GRID2: variants seen among roughly 807,000 people sequenced by gnomAD.
The protein encoded by GRID2 is glutamate ionotropic receptor delta type subunit 2, also known as glutamate receptor ionotropic, delta-2.
Under a neutral mutation model 114.8 loss-of-function variants are expected in GRID2, and 33 were observed. The ratio of observed to expected loss-of-function variants is 0.29; its 90% CI spans 0.22 to 0.38. The LOEUF is 0.38. Ranked by LOEUF, GRID2 falls within the 10% of genes least tolerant of loss-of-function variation. GRID2 has a pLI of 1.00. For missense variants in GRID2, 1,184 were observed against 1,257.7 expected, an observed-to-expected ratio of 0.94 and a Z score of 0.89; for synonymous variants, 505 against 449.9, an observed-to-expected ratio of 1.12 and a Z score of -1.55.
intron 2 of GRID2, among the ~76,000 whole-genome samples, chr4:92,762,743 G>C (rs1738079695): frequency 6.6e-6 from 1 of 152,200 alleles, no homozygotes; most frequent in Admixed American, 6.5e-5. Context: ...CAAAGGAATA[G>C]ACAGGAAGAG....
chr4:93,584,222 C>T (rs902909028), intron 13 of GRID2, among the ~76,000 whole-genome samples: 1 of 152,102 alleles, frequency 6.6e-6, no homozygotes, highest in African/African-American at 2.4e-5. Flanking sequence ...TAAAGGCTCT[C>T]TTATAACATA....
At chr4:93,409,343 G>A (rs901011) in intron 9 of GRID2, among the ~76,000 whole-genome samples, 152,095 of 152,234 alleles carry the variant, frequency 1, 75,978 homozygotes, top group Middle Eastern at 1. Flanking sequence ...TCCTTCCTGG[G>A]ATTAGCAGAA....
chr4:93,629,638 T>C (rs1743066450), intron 14 of GRID2, among the ~76,000 whole-genome samples: 1 of 152,338 alleles, frequency 6.6e-6, no homozygotes, highest in South Asian at 2.1e-4. Flanking sequence ...TGATATTACA[T>C]ATTACTATTG....
chr4:93,724,609 A>G (rs1476594754), intron 14 of GRID2, among the ~76,000 whole-genome samples: 1 of 152,158 alleles, frequency 6.6e-6, no homozygotes, highest in Non-Finnish European at 1.5e-5. Flanking sequence ...CCTTGTAATT[A>G]CGAAAAGAGA....
chr4:92,484,559 T>A (rs1560662327), intron 1 of GRID2, among the ~76,000 whole-genome samples: 1 of 152,104 alleles, frequency 6.6e-6, no homozygotes, highest in Non-Finnish European at 1.5e-5. Context: ...GAGAGACACA[T>A]TCAATATTTT....
At chr4:93,382,477 T>A (rs183061481) in intron 8 of GRID2, among the ~76,000 whole-genome samples, 2 of 152,188 alleles carry the variant, frequency 1.3e-5, no homozygotes, top group African/African-American at 4.8e-5. Flanking sequence ...CTCTTTACAT[T>A]TGCTGAGTCT....
At chr4:92,893,288 C>G (rs1560675738) in intron 2 of GRID2, among the ~76,000 whole-genome samples, 1 of 152,112 alleles carries the variant, frequency 6.6e-6, no homozygotes. Context: ...GAATATATGC[C>G]TGAATGGATG....
At chr4:93,035,489 A>G (rs62308167) in intron 2 of GRID2, among the ~76,000 whole-genome samples, 5,242 of 152,232 alleles carry the variant, frequency 0.034, 114 homozygotes, top group Non-Finnish European at 0.041. Context: ...AGGTTACTAC[A>G]AGAAAGATTA....
intron 2 of GRID2, among the ~76,000 whole-genome samples, chr4:93,019,113 T>A (rs2149243263): frequency 6.6e-6 from 1 of 152,248 alleles, no homozygotes; most frequent in South Asian, 2.1e-4. Context: ...TATTCATCAA[T>A]GTTTTTCAGA....
chr4:93,613,451 T>A (rs1741194846), intron 13 of GRID2, among the ~76,000 whole-genome samples: 1 of 100,810 alleles, frequency 9.9e-6, no homozygotes, highest in African/African-American at 3.8e-5. Flanking sequence ...TTTTATCTAC[T>A]TTTGGTCTTT....
At chr4:92,548,968 C>T (rs1403582549) in intron 1 of GRID2, among the ~76,000 whole-genome samples, 1 of 151,928 alleles carries the variant, frequency 6.6e-6, no homozygotes, top group African/African-American at 2.4e-5. Context: ...GGCCAAATCA[C>T]CTCCCACCAG....
intron 13 of GRID2, among the ~76,000 whole-genome samples, chr4:93,581,103 A>AC (rs1438048935): frequency 6.3e-5 from 3 of 47,700 alleles, no homozygotes; most frequent in Non-Finnish European, 8.6e-5. Context: ...CTAGTCCCCC[A>AC]CCCCCCAACA....
In GRID2 at chr4:93,190,174, AC is replaced by A. The variant is rs376993490; in HGVS notation, c.736-17229del. The stretch of plus-strand genomic sequence containing the variant: ...AAATGTTTCAAGAAAGGGAACTAAC[AC>A]TTTTGTTTTTTATTAAAATAAAAAG... On this transcript the variant is annotated intron_variant, in intron 4 of 15. Coordinates refer to ENST00000282020, the MANE Select transcript of GRID2 (RefSeq NM_001510.4). 4.2e-3 allele frequency among the ~76,000 whole-genome samples: 635 copies of A among 152,222 alleles called. 8 individuals carry two copies. The highest frequency in any genetic ancestry group is 0.015 in the African/African-American group (612 of 41,556).
At chr4:93,485,891 T>C (rs1191244161) in intron 11 of GRID2, among the ~76,000 whole-genome samples, 5 of 151,566 alleles carry the variant, frequency 3.3e-5, no homozygotes, top group African/African-American at 1.2e-4. Flanking sequence ...CACACACACA[T>C]ACACACAACC....
intron 1 of GRID2, among the ~76,000 whole-genome samples, chr4:92,558,322 T>A (rs1487198632): frequency 6.6e-6 from 1 of 152,154 alleles, no homozygotes; most frequent in Non-Finnish European, 1.5e-5. Flanking sequence ...TTTGAAAATG[T>A]CATTCTCCTA....
chr4:93,103,478 TC>T (rs1277218423), intron 3 of GRID2, among the ~76,000 whole-genome samples: 2 of 152,248 alleles, frequency 1.3e-5, no homozygotes, highest in South Asian at 2.1e-4. Context: ...GTGTTTGCTA[TC>T]TTTTTATCTA....
intron 10 of GRID2, 76 bp from the exon 11 acceptor site, chr4:93,455,586 C>G: frequency 2.1e-6 from 2 of 945,622 alleles, no homozygotes; most frequent in Non-Finnish European, 3.3e-6. Context: ...TTTTTTTCCT[C>G]GAGGCAAGCT....
At chr4:92,687,922 A>T (rs1733993890) in intron 2 of GRID2, among the ~76,000 whole-genome samples, 1 of 150,530 alleles carries the variant, frequency 6.6e-6, no homozygotes, top group Non-Finnish European at 1.5e-5. Flanking sequence ...TCATGCCTCG[A>T]TGTTGATGGC....
chr4:93,706,968 AT>A (rs1296810357), intron 14 of GRID2, among the ~76,000 whole-genome samples: 1 of 151,772 alleles, frequency 6.6e-6, no homozygotes, highest in African/African-American at 2.4e-5. Flanking sequence ...ATATCATATG[AT>A]TTTTCTCCTT....
Sources: gnomAD v4.1 joint callset for allele counts (sites outside exome capture counted in the v4.1 genomes callset) on GRCh38, gnomAD v4.1.1 for gene constraint, MANE v1.5 for transcripts, NCBI Gene and HGNC (gene_info 2026-07-23, HGNC 2026-07-21) for gene names.